The following CDH4 variants were observed in gnomAD, a reference collection of about 807,000 sequenced individuals.
CDH4 encodes the protein cadherin-4.
In CDH4, 33 loss-of-function variants were observed where a neutral mutation model predicts 86.0. That is an observed-to-expected ratio of 0.38 (90% confidence interval 0.29 to 0.51). The LOEUF (loss-of-function observed/expected upper bound fraction) is 0.51. CDH4 is among the 20% of genes least tolerant of loss of function. The probability of loss-of-function intolerance (pLI) is 0.86; values close to 1 mark genes in which losing one functional copy is unlikely to be tolerated. For synonymous variants in CDH4, 555 were observed against 549.4 expected (o/e 1.01, Z -0.14); for missense variants, 1,114 against 1,307.4 (o/e 0.85, Z 2.28).
chr20:61,709,556 A>G lies in CDH4; in HGVS notation c.170-34007A>G, dbSNP rs1467987603. Among the ~76,000 whole-genome samples the G allele has an allele frequency of 6.6e-6, 1 of 151,746 alleles. No individual in the cohort carries two copies. The highest frequency in any genetic ancestry group is 2.4e-5 in the African/African-American group (1 of 41,278). ...CTCCCAAAATGCTGGGATTACAGGC[A>G]TGAGCCACTGTGCCTGGCAATTTTT... On this transcript the variant is annotated intron_variant, in intron 2 of 15. Coordinates refer to ENST00000614565, the MANE Select transcript of CDH4 (RefSeq NM_001794.5). This position sits in a 1 kb window ranked among gnomAD's most constrained non-coding sequence, Gnocchi z 4.8.
intron 7 of CDH4, 77 bp downstream of exon 7, chr20:61,873,977 C>A: frequency 6.6e-7 from 1 of 1,510,162 alleles, no homozygotes; most frequent in Non-Finnish European, 9.1e-7. Flanking sequence ...CCTCGGGGAG[C>A]CTCTCCAGTG....
chr20:61,562,938 C>T (rs2086231948), intron 2 of CDH4, among the ~76,000 whole-genome samples: 2 of 152,312 alleles, frequency 1.3e-5, no homozygotes, highest in South Asian at 4.1e-4. Flanking sequence ...GATCTCAGCC[C>T]AGGGATGCTG....
chr20:61,580,120 T>TGCA (rs146706590), intron 2 of CDH4, among the ~76,000 whole-genome samples: 8,382 of 143,872 alleles, frequency 0.058, 472 homozygotes, highest in African/African-American at 0.16. Context: ...CTTACACTGC[T>TGCA]ACAAAAAAAA....
intron 6 of CDH4, among the ~76,000 whole-genome samples, chr20:61,857,891 G>T (rs898500140): frequency 8.5e-5 from 13 of 152,054 alleles, no homozygotes; most frequent in Non-Finnish European, 1.8e-4. Context: ...GTCTGTGTGT[G>T]TGTGTGTCTC....
chr20:61,495,178 TC>T (rs1353536310), intron 2 of CDH4, among the ~76,000 whole-genome samples: 1 of 152,226 alleles, frequency 6.6e-6, no homozygotes, highest in Non-Finnish European at 1.5e-5. Context: ...GGTGGCCTCG[TC>T]CGTTTCATTC....
chr20:61,390,132 G>A, intron 2 of CDH4, among the ~76,000 whole-genome samples: 1 of 150,098 alleles, frequency 6.7e-6, no homozygotes, highest in Admixed American at 6.6e-5. Context: ...GCCATGTCTA[G>A]GAAACCCCAA....
intron 4 of CDH4, among the ~76,000 whole-genome samples, chr20:61,786,092 C>T (rs898952157): frequency 6.6e-6 from 1 of 152,104 alleles, no homozygotes; most frequent in Non-Finnish European, 1.5e-5. Flanking sequence ...AACACGTGAA[C>T]GAGAGGCTTT....
intron 2 of CDH4, among the ~76,000 whole-genome samples, chr20:61,611,819 A>G (rs2086687515): frequency 6.6e-6 from 1 of 151,820 alleles, no homozygotes. Context: ...GCTCTCAAAA[A>G]TGACTCTCCC....
chr20:61,929,737 C>A lies in CDH4; in HGVS notation c.2134C>A (p.Pro712Thr), dbSNP rs767607966. 1.2e-6 allele frequency: 2 copies of A among 1,614,154 alleles called. No individual in the cohort carries two copies. Among genetic ancestry groups the A allele is most frequent in the South Asian group, 1.1e-5 (1 of 91,086 alleles). ...NTSIIKVKVC[P>T]CDDNGDCTTI... The stretch of plus-strand genomic sequence containing the variant: ...GTCCATCATCAAAGTCAAGGTGTGC[C>A]CATGTGATGACAACGGGGACTGCAC... Residue 712 changes from proline (P) to threonine (T), a missense_variant, in exon 13 of 16, where the codon CCA becomes ACA. Coordinates refer to ENST00000614565, the MANE Select transcript of CDH4 (RefSeq NM_001794.5).
At chr20:61,575,748 GATTT>G (rs1349826976) in intron 2 of CDH4, among the ~76,000 whole-genome samples, 5 of 152,226 alleles carry the variant, frequency 3.3e-5, no homozygotes, top group Non-Finnish European at 5.9e-5. Context: ...CAACCTGAGA[GATTT>G]ATTATCTGGC....
At chr20:61,373,471 A>G (rs1276099466) in intron 2 of CDH4, among the ~76,000 whole-genome samples, 2 of 152,254 alleles carry the variant, frequency 1.3e-5, no homozygotes, top group African/African-American at 4.8e-5. Context: ...CTTTGAAGAT[A>G]ATGTGCTGGA....
intron 2 of CDH4, among the ~76,000 whole-genome samples, chr20:61,387,755 T>A (rs1265011520): frequency 7.2e-5 from 11 of 152,212 alleles, no homozygotes; most frequent in Admixed American, 7.2e-4. Flanking sequence ...AAATGTGTTT[T>A]TAATCACTCC....
intron 2 of CDH4, among the ~76,000 whole-genome samples, chr20:61,664,136 G>T (rs1252196133): frequency 6.6e-6 from 1 of 152,126 alleles, no homozygotes; most frequent in Non-Finnish European, 1.5e-5. Flanking sequence ...GGCCATCCCA[G>T]CCTCTCCCCA....
At chr20:61,395,797 T>C (rs1336557341) in intron 2 of CDH4, among the ~76,000 whole-genome samples, 1 of 152,174 alleles carries the variant, frequency 6.6e-6, no homozygotes, top group Non-Finnish European at 1.5e-5. Flanking sequence ...ATGTTGCTAG[T>C]ATTCTAAACA....
At chr20:61,264,009 G>A (rs1324600049) in intron 2 of CDH4, among the ~76,000 whole-genome samples, 1 of 152,048 alleles carries the variant, frequency 6.6e-6, no homozygotes, top group African/African-American at 2.4e-5. Flanking sequence ...AGTAACCCAG[G>A]ATAATCTCCC....
intron 2 of CDH4, among the ~76,000 whole-genome samples, chr20:61,566,955 G>A (rs73914853): frequency 0.025 from 3,762 of 152,218 alleles, 107 homozygotes; most frequent in African/African-American, 0.071. Context: ...TGCCAGCGGC[G>A]GTGATGGGCT....
intron 2 of CDH4, among the ~76,000 whole-genome samples, chr20:61,304,312 C>T (rs6065086): frequency 6.7e-6 from 1 of 150,316 alleles, no homozygotes; most frequent in Non-Finnish European, 1.5e-5. Flanking sequence ...GAGTGACTTC[C>T]TAGGTAATCA....
At chr20:61,900,919 C>T (rs568178778) in intron 8 of CDH4, among the ~76,000 whole-genome samples, 1 of 152,220 alleles carries the variant, frequency 6.6e-6, no homozygotes. Context: ...CAAAGAAAGA[C>T]CAATGAGTAA....
chr20:61,430,219 T>G (rs925657021), intron 2 of CDH4, among the ~76,000 whole-genome samples: 1 of 152,232 alleles, frequency 6.6e-6, no homozygotes, highest in East Asian at 1.9e-4. Context: ...CTCTGTTAAT[T>G]GGACTAAGCA....
Sources: allele counts gnomAD v4.1 joint callset (sites outside exome capture counted in the v4.1 genomes callset), GRCh38; gene constraint gnomAD v4.1.1; non-coding constraint Gnocchi (gnomAD v3.1); transcripts MANE v1.5; gene names NCBI Gene and HGNC (gene_info 2026-07-23, HGNC 2026-07-21).